The following CHCHD6 variants were observed in gnomAD, a reference collection of about 807,000 sequenced individuals.
CHCHD6 encodes coiled-coil-helix-coiled-coil-helix domain containing 6, also known as MICOS complex subunit MIC25.
CHCHD6 carries 28 observed loss-of-function variants against 32.3 expected under a neutral mutation model. The ratio of observed to expected loss-of-function variants is 0.87; its 90% CI spans 0.64 to 1.19. The LOEUF is 1.19. Ranked by LOEUF, CHCHD6 falls within the 50% of genes most tolerant of loss-of-function variation. CHCHD6 has a pLI of 0.00. For missense variants in CHCHD6, 333 were observed against 307.0 expected (o/e 1.08, Z -0.63); for synonymous variants, 122 against 117.5 (o/e 1.04, Z -0.25).
intron 6 of CHCHD6, among the ~76,000 whole-genome samples, chr3:126,951,857 C>T (rs569691731): frequency 4.6e-5 from 7 of 152,286 alleles, no homozygotes; most frequent in South Asian, 2.1e-4. Context: ...CCTAGCAGGC[C>T]GTCAGGTCTG....
At chr3:126,788,100 T>A (rs1353641678) in intron 4 of CHCHD6, among the ~76,000 whole-genome samples, 1 of 152,238 alleles carries the variant, frequency 6.6e-6, no homozygotes, top group Admixed American at 6.5e-5. Flanking sequence ...TTTTTGTCTT[T>A]GGTTCTGTTT....
intron 4 of CHCHD6, among the ~76,000 whole-genome samples, chr3:126,746,961 T>C (rs1181331900): frequency 2.0e-5 from 3 of 152,208 alleles, no homozygotes; most frequent in Non-Finnish European, 2.9e-5. Context: ...ATGGTTAGCC[T>C]GGGTGCTGTG....
chr3:126,715,993 G>C (rs1391633703), intron 1 of CHCHD6, among the ~76,000 whole-genome samples: 3 of 152,126 alleles, frequency 2.0e-5, no homozygotes, highest in Admixed American at 6.5e-5. Context: ...CCCTGTCACT[G>C]CTTCAGTTGT....
intron 5 of CHCHD6, among the ~76,000 whole-genome samples, chr3:126,910,093 A>G (rs1030383732): frequency 1.4e-4 from 21 of 152,238 alleles, no homozygotes; most frequent in Non-Finnish European, 1.6e-4. Flanking sequence ...CCTGGCCAAC[A>G]TGGCGAAACC....
chr3:126,790,509 G>C (rs1938474166), intron 4 of CHCHD6, among the ~76,000 whole-genome samples: 1 of 152,068 alleles, frequency 6.6e-6, no homozygotes. Context: ...TTTCTTGGAG[G>C]CTTTTTTCAT....
intron 1 of CHCHD6, among the ~76,000 whole-genome samples, chr3:126,716,291 C>A (rs1935012673): frequency 6.6e-6 from 1 of 152,232 alleles, no homozygotes; most frequent in Non-Finnish European, 1.5e-5. Flanking sequence ...CCCTTCCGTG[C>A]CTTTGCTCAT....
intron 1 of CHCHD6, among the ~76,000 whole-genome samples, chr3:126,724,180 T>C (rs1161470292): frequency 6.6e-6 from 1 of 152,106 alleles, no homozygotes; most frequent in African/African-American, 2.4e-5. Context: ...TTAAAAACCA[T>C]CAGGATAGGC....
chr3:126,804,955 G>T (rs1260581261), intron 4 of CHCHD6, among the ~76,000 whole-genome samples: 1 of 151,986 alleles, frequency 6.6e-6, no homozygotes, highest in African/African-American at 2.4e-5. Context: ...AAAACCACAT[G>T]ATTATCTCAA....
At chr3:126,853,247 A>G (rs1172554767) in intron 5 of CHCHD6, among the ~76,000 whole-genome samples, 1 of 145,532 alleles carries the variant, frequency 6.9e-6, no homozygotes, top group Non-Finnish European at 1.5e-5. Context: ...ACATATCATC[A>G]TGCCTTTAAA....
At chr3:126,767,220 G>A (rs558561660) in intron 4 of CHCHD6, 139 of 1,548,426 alleles carry the variant, frequency 9.0e-5, no homozygotes, top group Admixed American at 8.7e-4. Context: ...GTAATTGGCT[G>A]GCCATTGTAT....
chr3:126,939,080 G>A (rs1360353134), intron 6 of CHCHD6, among the ~76,000 whole-genome samples: 3 of 152,110 alleles, frequency 2.0e-5, no homozygotes, highest in Non-Finnish European at 4.4e-5. Flanking sequence ...AATTAAATTG[G>A]GAGTCAGTGA....
At chr3:126,815,643 G>GCC (rs11341202) in intron 4 of CHCHD6, among the ~76,000 whole-genome samples, 65 of 127,696 alleles carry the variant, frequency 5.1e-4, no homozygotes, top group African/African-American at 7.4e-4. Context: ...GTGGGTTCTT[G>GCC]CCCCCCCCCC....
At position 126,820,518 on chromosome 3, in the gene CHCHD6, G is replaced by A. The variant is rs536239560; in HGVS notation, c.412-32129G>A. 9.8e-5 allele frequency among the ~76,000 whole-genome samples: 15 copies of A among 152,322 alleles called. No homozygotes were observed. In the East Asian group the frequency reaches 1.5e-3, roughly 16 times the overall value. On this transcript the variant is annotated intron_variant, in intron 4 of 7. Transcript: ENST00000290913. ...TCTGGTTTTTCTGGCTCTCTGTGAC[G>A]TCTGTGAGGTTCACCCATGTATTTA...
chr3:126,874,813 G>T (rs749783565), intron 5 of CHCHD6, among the ~76,000 whole-genome samples: 5 of 152,100 alleles, frequency 3.3e-5, no homozygotes, highest in Non-Finnish European at 7.4e-5. Flanking sequence ...TGCTCAGAAG[G>T]ATGGTCCCCA....
At chr3:126,777,384 C>T (rs1472961469) in intron 4 of CHCHD6, among the ~76,000 whole-genome samples, 1 of 152,148 alleles carries the variant, frequency 6.6e-6, no homozygotes, top group African/African-American at 2.4e-5. Flanking sequence ...AGATCAGCCC[C>T]AGATCATTAG....
At chr3:126,707,416 C>T (rs1434821912) in intron 1 of CHCHD6, among the ~76,000 whole-genome samples, 2 of 152,208 alleles carry the variant, frequency 1.3e-5, no homozygotes, top group African/African-American at 4.8e-5. Flanking sequence ...CTCCAGTTTT[C>T]AGAGCAAATG....
At chr3:126,811,645 T>G (rs1939658995) in intron 4 of CHCHD6, among the ~76,000 whole-genome samples, 1 of 152,194 alleles carries the variant, frequency 6.6e-6, no homozygotes, top group Non-Finnish European at 1.5e-5. Flanking sequence ...TTGAGGAGGC[T>G]GTTGACAAAC....
chr3:126,864,513 C>T (rs527985826), intron 5 of CHCHD6, among the ~76,000 whole-genome samples: 6 of 150,284 alleles, frequency 4.0e-5, no homozygotes, highest in East Asian at 4.0e-4. Flanking sequence ...ATCACCTCCT[C>T]TTCCACCTCC....
At chr3:126,761,047 G>T (rs1260521764) in intron 4 of CHCHD6, among the ~76,000 whole-genome samples, 2 of 152,100 alleles carry the variant, frequency 1.3e-5, no homozygotes, top group African/African-American at 4.8e-5. Flanking sequence ...TGCCCAGGCT[G>T]GTCTCAACCT....
Sources: allele counts gnomAD v4.1 joint callset (sites outside exome capture counted in the v4.1 genomes callset), GRCh38; gene constraint gnomAD v4.1.1; transcripts MANE v1.5; gene names NCBI Gene and HGNC (gene_info 2026-07-23, HGNC 2026-07-21).